Variants in PAK3 observed in about 807,000 individuals in gnomAD.
PAK3 encodes the protein p21 (RAC1) activated kinase 3.
PAK3 carries 4 observed loss-of-function variants against 41.0 expected under a neutral mutation model. That is an observed-to-expected ratio of 0.10 (90% confidence interval 0.05 to 0.22). PAK3 has a LOEUF of 0.22. Among genes scored for constraint, PAK3 ranks in the 10% least tolerant of loss-of-function variants. PAK3 has a pLI of 1.00. For synonymous variants in PAK3, 146 were observed against 139.6 expected (o/e 1.05, Z -0.32); for missense variants, 205 against 409.9 (o/e 0.50, Z 4.32).
In PAK3 at chrX:111,225,964, G is replaced by C. The variant is rs1436369696; in HGVS notation, c.*5517G>C. The C allele has an allele frequency of 1.8e-5, 2 of 111,274 alleles. No homozygotes were observed. Among genetic ancestry groups the C allele is most frequent in the African/African-American group, 6.5e-5 (2 of 30,609 alleles). 9.2% of individuals were successfully genotyped at this position (111,274 alleles called of 1,213,427 possible). A position where few individuals can be genotyped will look rare whatever the true frequency, so the allele number is the denominator to read the frequency against. On this transcript the variant is annotated 3_prime_UTR_variant, in exon 18 of 18. Transcript: ENST00000372007. ...GGCCAAGGCAGGCGGATCACCTGAG[G>C]TCAGGAGTTCGAGACCAGCCTGACC...
chrX:110,967,817 T>C (rs2091113156), intron 1 of PAK3, among the ~76,000 whole-genome samples: 1 of 111,794 alleles, frequency 8.9e-6, no homozygotes, highest in African/African-American at 3.3e-5. Flanking sequence ...TACATAACCA[T>C]CATGTAATAT....
At chrX:111,194,658 T>C (rs769333419) in intron 14 of PAK3, among the ~76,000 whole-genome samples, 1 of 111,947 alleles carries the variant, frequency 8.9e-6, no homozygotes, top group South Asian at 3.8e-4. Context: ...TTATGCCATT[T>C]GTGAGGTGCC....
At chrX:111,114,503 G>A (rs144251780) in intron 4 of PAK3, among the ~76,000 whole-genome samples, 3,929 of 111,956 alleles carry the variant, frequency 0.035, 177 homozygotes, top group African/African-American at 0.12. Flanking sequence ...AATGAACAAG[G>A]ATAAAGCATT....
chrX:111,156,439 C>A (rs920671129), intron 8 of PAK3, among the ~76,000 whole-genome samples: 5 of 111,617 alleles, frequency 4.5e-5, no homozygotes, highest in African/African-American at 1.6e-4. Flanking sequence ...CTGAATTGGA[C>A]CCCGACATTC....
chrX:111,160,949 A>T (rs1385289276), intron 8 of PAK3, among the ~76,000 whole-genome samples: 3 of 112,606 alleles, frequency 2.7e-5, no homozygotes, highest in African/African-American at 9.7e-5. Context: ...TCTTTATAGC[A>T]GCATGATTTA....
chrX:111,135,130 A>G (rs1157403756), intron 5 of PAK3, among the ~76,000 whole-genome samples: 1 of 110,896 alleles, frequency 9.0e-6, no homozygotes, highest in Non-Finnish European at 1.9e-5. Context: ...GTGAGAAATG[A>G]GAGTGGCCTG....
intron 1 of PAK3, among the ~76,000 whole-genome samples, chrX:111,036,699 T>G (rs1304339210): frequency 2.7e-5 from 3 of 111,974 alleles, no homozygotes; most frequent in Non-Finnish European, 5.6e-5. Context: ...TACAGAAATC[T>G]TGTCCAATTT....
intron 1 of PAK3, among the ~76,000 whole-genome samples, chrX:110,963,949 G>T (rs2091032666): frequency 8.9e-6 from 1 of 112,131 alleles, no homozygotes; most frequent in South Asian, 3.7e-4. Context: ...GAGCCTTCCT[G>T]ATACACAACT....
At chrX:111,206,969 C>T (rs1004391913) in intron 16 of PAK3, among the ~76,000 whole-genome samples, 3 of 110,119 alleles carry the variant, frequency 2.7e-5, no homozygotes, top group Non-Finnish European at 3.8e-5. Flanking sequence ...TCATAAAACA[C>T]TCAAAGTTAG....
chrX:111,104,849 A>C lies in PAK3; in HGVS notation c.-28+1543A>C, dbSNP rs182232611. Among the ~76,000 whole-genome samples, 196 of 111,501 alleles carry C rather than the reference A, an allele frequency of 1.8e-3. 2 individuals carry two copies. Among genetic ancestry groups the C allele is most frequent in the African/African-American group, 6.2e-3 (190 of 30,635 alleles). The stretch of plus-strand genomic sequence containing the variant: ...TCATTACTGTTTTACCAAGGAGGAG[A>C]TAGAGGCTGAGAGAAGCTAAGTAAC... On this transcript the variant is annotated intron_variant, in intron 4 of 17. Coordinates refer to ENST00000372007, the MANE Select transcript of PAK3 (RefSeq NM_002578.5).
chrX:111,004,176 A>C (rs897996734), intron 1 of PAK3, among the ~76,000 whole-genome samples: 11 of 112,072 alleles, frequency 9.8e-5, no homozygotes, highest in African/African-American at 3.6e-4. Context: ...AATCTTTGAT[A>C]CTAGGTTGTG....
intron 7 of PAK3, among the ~76,000 whole-genome samples, chrX:111,150,404 T>G (rs745448815): frequency 4.5e-5 from 5 of 111,989 alleles, no homozygotes; most frequent in Non-Finnish European, 7.5e-5. Context: ...GGTACCAATT[T>G]ACTGTATTAG....
chrX:110,969,008 G>A (rs1236136088), intron 1 of PAK3, among the ~76,000 whole-genome samples: 1 of 108,097 alleles, frequency 9.3e-6, no homozygotes, highest in African/African-American at 3.4e-5. Flanking sequence ...TTTTGTGTGA[G>A]GTATGAGAGC....
chrX:110,961,994 G>T (rs2148614077), intron 1 of PAK3, among the ~76,000 whole-genome samples: 1 of 111,632 alleles, frequency 9.0e-6, no homozygotes, highest in Admixed American at 9.5e-5. Flanking sequence ...CTTCTTCCTT[G>T]TCCTAGACCT....
intron 1 of PAK3, 31 bp from the exon 2 acceptor site, chrX:111,097,359 T>C (rs1430134797): frequency 1.0e-5 from 1 of 98,371 alleles, no homozygotes; most frequent in Non-Finnish European, 2.1e-5. Flanking sequence ...CCCCACTTGT[T>C]TTTTTTTTTT....
chrX:111,216,355 C>T lies in PAK3; in HGVS notation c.1408-66C>T, dbSNP rs2094879557. ...TAAACCAGAAGAAACTGGATTTTTG[C>T]CGTCTGTGCCAAGCCATGATTTTAA... On this transcript the variant is annotated intron_variant, in intron 16 of 17. Transcript: ENST00000372007. 8.7e-6 allele frequency: 7 copies of T among 803,998 alleles called. No homozygotes were observed. The South Asian group carries it at 1.1e-4, about 12-fold the overall frequency. The allele number at this position is 803,998 out of a possible 1,213,427, so 66.3% of individuals were successfully genotyped here. A position where few individuals can be genotyped will look rare whatever the true frequency, so the allele number is the denominator to read the frequency against.
chrX:111,006,733 T>TAC (rs1296963737), intron 1 of PAK3, among the ~76,000 whole-genome samples: 1 of 111,249 alleles, frequency 9.0e-6, no homozygotes, highest in African/African-American at 3.3e-5. Context: ...TTAATGCTCA[T>TAC]ACACATCTCC....
intron 10 of PAK3, among the ~76,000 whole-genome samples, chrX:111,171,355 A>G (rs1229733226): frequency 9.0e-6 from 1 of 111,080 alleles, no homozygotes; most frequent in Non-Finnish European, 1.9e-5. Context: ...TTCCAGAAAG[A>G]AAGGTGGGCC....
rs1025437772 is a variant in PAK3, at chrX:111,222,592, A to C, written c.*2145A>C. On this transcript the variant is annotated 3_prime_UTR_variant, in exon 18 of 18. Coordinates refer to ENST00000372007, the MANE Select transcript of PAK3 (RefSeq NM_002578.5). Reference sequence around the variant, plus strand: ...CTTAATTTTGATTTCATTTAAAAATAAGTACTTTAAAAAATTTTTCACTCA... The same window carrying C: ...CTTAATTTTGATTTCATTTAAAAATCAGTACTTTAAAAAATTTTTCACTCA... The C allele has an allele frequency of 2.7e-5, 3 of 112,410 alleles. No homozygotes were observed. The Admixed American group carries it at 2.8e-4, about 11-fold the overall frequency. 9.3% of individuals were successfully genotyped at this position (112,410 alleles called of 1,213,427 possible). A position where few individuals can be genotyped will look rare whatever the true frequency, so the allele number is the denominator to read the frequency against.
Sources: gnomAD v4.1 joint callset for allele counts (sites outside exome capture counted in the v4.1 genomes callset) on GRCh38, gnomAD v4.1.1 for gene constraint, MANE v1.5 for transcripts, NCBI Gene and HGNC (gene_info 2026-07-23, HGNC 2026-07-21) for gene names.